WNK4: variants seen among roughly 807,000 people sequenced by gnomAD.
WNK4 encodes WNK lysine deficient protein kinase 4.
WNK4 carries 94 observed loss-of-function variants against 116.2 expected under a neutral mutation model. That is an observed-to-expected ratio of 0.81 (90% CI 0.68 to 0.96). The LOEUF is 0.96. Ranked by LOEUF, WNK4 falls within the 40% of genes least tolerant of loss-of-function variation. The pLI is 0.00. For synonymous variants in WNK4, 655 were observed against 672.7 expected (o/e 0.97, Z 0.41); for missense variants, 1,542 against 1,650.6 (o/e 0.93, Z 1.14).
Position 42,782,823 on chromosome 17 carries a change from G to A in WNK4, c.684G>A (p.Leu228=). ...FSEEVEMLKG[L]QHPNIVRFYD... The stretch of plus-strand genomic sequence containing the variant: ...AGGAGGTGGAGATGCTCAAGGGGCT[G>A]CAGCACCCCAACATCGTCCGCTTCT... The change falls in exon 2 of 19, where the codon CTG becomes CTA. Residue 228 remains leucine (L), a synonymous_variant. Coordinates refer to ENST00000246914, the MANE Select transcript of WNK4 (RefSeq NM_032387.5). This position sits in a 1 kb window ranked among gnomAD's most constrained non-coding sequence, Gnocchi z 4.2. The A allele has an allele frequency of 6.2e-7, 1 of 1,614,192 alleles. No individual in the cohort carries two copies. The highest frequency in any genetic ancestry group is 8.5e-7 in the Non-Finnish European group (1 of 1,180,038).
At chr17:42,789,845 A>G (rs1234988408) in intron 11 of WNK4, among the ~76,000 whole-genome samples, 1 of 151,728 alleles carries the variant, frequency 6.6e-6, no homozygotes, top group African/African-American at 2.4e-5. Context: ...TCTCTACAAA[A>G]AATTTAAAAA....
At position 42,794,985 on chromosome 17, in the gene WNK4, C is replaced by T; in HGVS notation, c.2564C>T (p.Ser855Phe). The T allele has an allele frequency of 6.2e-7, 1 of 1,612,698 alleles. No homozygotes were observed. Among genetic ancestry groups the T allele is most frequent in the Non-Finnish European group, 8.5e-7 (1 of 1,179,688 alleles). The change falls in exon 14 of 19, where the codon TCT (serine) becomes TTT (phenylalanine). Residue 855 changes from serine to phenylalanine, a missense_variant. Physicochemically the swap from Ser to Phe is radical, Grantham distance 155 (BLOSUM62 -2). This residue lies in a region of WNK4 where 808 missense variants were observed against 873.6 expected (regional missense o/e 0.92). Coordinates refer to ENST00000246914, the MANE Select transcript of WNK4 (RefSeq NM_032387.5). The part of the protein sequence containing the change: ...PISSQVSSNP[S>F]PHPTSSPLPF... The stretch of plus-strand genomic sequence containing the variant: ...TCTTCCCAGGTCTCCTCAAATCCCT[C>T]TCCACACCCCACCAGCTCTCCACTT...
At chr17:42,796,663 A>T in intron 18 of WNK4, 23 bp from the exon 19 acceptor site, 1 of 1,614,126 alleles carries the variant, frequency 6.2e-7, no homozygotes, top group Non-Finnish European at 8.5e-7. Context: ...AGGTTTCTTC[A>T]TCACTTTTTC....
In WNK4 at chr17:42,785,498, ACTGTG is replaced by A. The variant is rs752399943; in HGVS notation, c.1476+20_1476+24del. The A allele has an allele frequency of 5.0e-4, 773 of 1,551,362 alleles. 3 individuals carry two copies. The highest frequency in any genetic ancestry group is 1.7e-3 in the Admixed American group (89 of 51,002). ...ACAGGAGATGGTGAGCGGAGGACAG[ACTGTG>A]CTGCCACTGGACGTGTAAAGGACAT... On this transcript the variant is annotated intron_variant, in intron 6 of 18. Coordinates refer to ENST00000246914, the MANE Select transcript of WNK4 (RefSeq NM_032387.5).
rs1221456276 is a variant in WNK4, at chr17:42,784,616, G to C, written c.1170+37G>C. ...GGGGCTGGCGGGAAAGGCAATTCCA[G>C]GGCCACTTCCCCTTTTCCTGCGCCG... On this transcript the variant is annotated intron_variant, in intron 4 of 18. Coordinates refer to ENST00000246914, the MANE Select transcript of WNK4 (RefSeq NM_032387.5). The surrounding 1 kb of genome is among the most constrained non-coding windows in gnomAD (Gnocchi z 4.4). 1 of 1,613,102 alleles carries C rather than the reference G, an allele frequency of 6.2e-7. No homozygotes were observed. The highest frequency in any genetic ancestry group is 1.1e-5 in the South Asian group (1 of 90,924).
At chr17:42,791,569 G>A (rs1175484522) in intron 11 of WNK4, among the ~76,000 whole-genome samples, 5 of 151,984 alleles carry the variant, frequency 3.3e-5, no homozygotes, top group Non-Finnish European at 5.9e-5. Context: ...AACCCAGGAG[G>A]TGGAGGTTGC....
Position 42,780,780 on chromosome 17 carries a change from C to G in WNK4, c.82C>G (p.Leu28Val), listed in dbSNP as rs774472658. ...ADLALRPPPP[L>V]GTAGQPRLGP... The stretch of plus-strand genomic sequence containing the variant: ...CCTGGCCCTGCGGCCCCCGCCTCCT[C>G]TTGGCACCGCGGGGCAGCCCCGCCT... Residue 28 changes from leucine (L) to valine (V), a missense_variant, in exon 1 of 19, where the codon CTT becomes GTT. By Grantham distance (32) the Leu-to-Val change is conservative. This residue lies in a region of WNK4 where 243 missense variants were observed against 217.8 expected (regional missense o/e 1.12). Transcript: ENST00000246914. 6.4e-5 allele frequency: 103 copies of G among 1,605,896 alleles called. No homozygotes were observed. Among genetic ancestry groups the G allele is most frequent in the Non-Finnish European group, 7.8e-5 (92 of 1,178,948 alleles).
intron 18 of WNK4, 54 bp downstream of exon 18, chr17:42,796,632 T>A: frequency 6.2e-7 from 1 of 1,614,194 alleles, no homozygotes; most frequent in African/African-American, 1.3e-5. Flanking sequence ...TGGCTGCAGC[T>A]TCGCCTTCCT....
Position 42,782,624 on chromosome 17 carries a change from G to C in WNK4, c.619-134G>C. On this transcript the variant is annotated intron_variant, in intron 1 of 18. Transcript: ENST00000246914. The surrounding 1 kb of genome is among the most constrained non-coding windows in gnomAD (Gnocchi z 4.2). ...GAGTTCAGGGTCTGCAGCCCACTGG[G>C]CAAGTAATCCCATTAACCCCACCCC... 1 of 1,020,640 alleles carries C rather than the reference G, an allele frequency of 9.8e-7. No homozygotes were observed. The highest frequency in any genetic ancestry group is 1.4e-5 in the South Asian group (1 of 71,188). 63.2% of individuals were successfully genotyped at this position (1,020,640 alleles called of 1,614,324 possible).
Position 42,783,965 on chromosome 17 carries a change from C to T in WNK4, c.820C>T (p.Pro274Ser). 1 of 1,613,916 alleles carries T rather than the reference C, an allele frequency of 6.2e-7. No individual in the cohort carries two copies. ...CCTGAGGCGGTTCCGGGAGATGAAG[C>T]CGCGGGTCCTTCAGCGCTGGAGCCG... ...TYLRRFREMKPRVLQRWSRQI... is the reference protein window; with the variant it reads ...TYLRRFREMKSRVLQRWSRQI... The change falls in exon 3 of 19, where the codon CCG becomes TCG. Residue 274 changes from proline (P) to serine (S), a missense_variant. By Grantham distance (74) the Pro-to-Ser change is moderately conservative. Transcript: ENST00000246914.
Position 42,783,985 on chromosome 17 carries a change from G to A in WNK4, c.840G>A (p.Trp280Ter), listed in dbSNP as rs532963074. The A allele has an allele frequency of 6.2e-7, 1 of 1,614,024 alleles. No homozygotes were observed. Among genetic ancestry groups the A allele is most frequent in the Non-Finnish European group, 8.5e-7 (1 of 1,180,034 alleles). The change falls in exon 3 of 19, where the codon TGG (tryptophan) becomes TGA (stop). Residue 280 changes from tryptophan to a stop codon, truncating the protein, a stop_gained. Coordinates refer to ENST00000246914, the MANE Select transcript of WNK4 (RefSeq NM_032387.5). LOFTEE classifies it high-confidence loss of function. ...REMKPRVLQR[W>*]SRQILRGLHF... Reference sequence around the variant, plus strand: ...TGAAGCCGCGGGTCCTTCAGCGCTGGAGCCGCCAAATCCTGCGGGGACTTC... The same window carrying A: ...TGAAGCCGCGGGTCCTTCAGCGCTGAAGCCGCCAAATCCTGCGGGGACTTC...
Position 42,782,556 on chromosome 17 carries a change from G to T in WNK4, c.619-202G>T, listed in dbSNP as rs1419775571. Among the ~76,000 whole-genome samples the T allele has an allele frequency of 2.6e-5, 4 of 152,374 alleles. No individual in the cohort carries two copies. The East Asian group carries it at 7.7e-4, about 29-fold the overall frequency. ...GTCTAGGGGGCTGCCCCAGGCCCAG[G>T]TTGGGTGTGTCCTTGGATCAGCTTA... On this transcript the variant is annotated intron_variant, in intron 1 of 18. Coordinates refer to ENST00000246914, the MANE Select transcript of WNK4 (RefSeq NM_032387.5). This position sits in a 1 kb window ranked among gnomAD's most constrained non-coding sequence, Gnocchi z 4.2.
Position 42,785,587 on chromosome 17 carries a change from C to T in WNK4, c.1476+105C>T, listed in dbSNP as rs1038344225. ...GCAGGAGGGGTGGCAGCGATGGGGGCGGGGCACCTCACCCCTCTCAAAATC... is the reference window on the plus strand; with the variant it reads ...GCAGGAGGGGTGGCAGCGATGGGGGTGGGGCACCTCACCCCTCTCAAAATC... On this transcript the variant is annotated intron_variant, in intron 6 of 18. Coordinates refer to ENST00000246914, the MANE Select transcript of WNK4 (RefSeq NM_032387.5). 1.8e-5 allele frequency: 21 copies of T among 1,191,500 alleles called. No homozygotes were observed. In the African/African-American group the frequency reaches 2.9e-4, roughly 16 times the overall value. The allele number at this position is 1,191,500 out of a possible 1,614,324, so 73.8% of individuals were successfully genotyped here. A position where few individuals can be genotyped will look rare whatever the true frequency, so the allele number is the denominator to read the frequency against.
chr17:42,780,796 A>G lies in WNK4; in HGVS notation c.98A>G (p.Gln33Arg). The change falls in exon 1 of 19, where the codon CAG becomes CGG. Residue 33 changes from glutamine to arginine, a missense_variant. Around this residue, in one of 7 missense-constraint regions of WNK4, gnomAD observed 243 missense variants for 217.8 expected, o/e 1.12. Transcript: ENST00000246914. ...CCGCCTCCTCTTGGCACCGCGGGGC[A>G]GCCCCGCCTCGGGCCCCCTCCTCGC... ...RPPPPLGTAGQPRLGPPPRRA... is the reference protein window; with the variant it reads ...RPPPPLGTAGRPRLGPPPRRA... The G allele has an allele frequency of 6.2e-7, 1 of 1,603,270 alleles. No individual in the cohort carries two copies. The highest frequency in any genetic ancestry group is 8.5e-7 in the Non-Finnish European group (1 of 1,178,218).
Position 42,788,776 on chromosome 17 carries a change from G to T in WNK4, c.2136G>T (p.Pro712=), listed in dbSNP as rs372128794. 9 of 1,614,060 alleles carry T rather than the reference G, an allele frequency of 5.6e-6. No individual in the cohort carries two copies. Among genetic ancestry groups the T allele is most frequent in the Non-Finnish European group, 7.6e-6 (9 of 1,179,944 alleles). ...GATTTGATCTGGATGGGGACAGCCC[G>T]GAAGAGATTGCAGCTGCCATGGTGA... is the stretch of plus-strand genomic sequence containing the variant. The part of the protein sequence containing the change: ...TFRFDLDGDS[P]EEIAAAMVYN... The change falls in exon 11 of 19, where the codon CCG becomes CCT. Residue 712 remains proline, a synonymous_variant. Coordinates refer to ENST00000246914, the MANE Select transcript of WNK4 (RefSeq NM_032387.5).
chr17:42,796,458 T>C (rs760019916), intron 17 of WNK4, 23 bp from the exon 18 acceptor site: 3 of 1,613,812 alleles, frequency 1.9e-6, no homozygotes, highest in South Asian at 2.2e-5. Flanking sequence ...CTTAGTGCTC[T>C]CCTTCCCCCA....
At position 42,784,358 on chromosome 17, in the gene WNK4, T is replaced by C. The variant is rs2054518105; in HGVS notation, c.1013-64T>C. ...ACTCGCAGGGTTGCCTGGGGCTGCC[T>C]AGCCCAGTGGGAAGGACGAGGCCAG... On this transcript the variant is annotated intron_variant, in intron 3 of 18. Transcript: ENST00000246914. This position sits in a 1 kb window ranked among gnomAD's most constrained non-coding sequence, Gnocchi z 4.4. The C allele has an allele frequency of 1.3e-6, 2 of 1,592,016 alleles. No individual in the cohort carries two copies. Among genetic ancestry groups the C allele is most frequent in the African/African-American group, 2.7e-5 (2 of 74,266 alleles).
At chr17:42,790,199 C>T (rs79507826) in intron 11 of WNK4, among the ~76,000 whole-genome samples, 1,780 of 151,896 alleles carry the variant, frequency 0.012, 29 homozygotes, top group African/African-American at 0.041. Flanking sequence ...AGGGTTGTTT[C>T]GGGAAAATAA....
In WNK4 at chr17:42,794,890, T is replaced by G; in HGVS notation, c.2469T>G (p.Ile823Met). ...PGNPFSPGTP[I>M]SPGPIFPITS... Reference sequence around the variant, plus strand: ...ACCCATTTTCCCCTGGAACCCCCATTTCCCCAGGTCCCATCTTCCCCATCA... The same window carrying G: ...ACCCATTTTCCCCTGGAACCCCCATGTCCCCAGGTCCCATCTTCCCCATCA... The change falls in exon 14 of 19, where the codon ATT (isoleucine) becomes ATG (methionine). Residue 823 changes from isoleucine (I) to methionine (M), a missense_variant. By Grantham distance (10) the Ile-to-Met change is conservative. Around this residue, in one of 7 missense-constraint regions of WNK4, gnomAD observed 808 missense variants for 873.6 expected, o/e 0.92. Coordinates refer to ENST00000246914, the MANE Select transcript of WNK4 (RefSeq NM_032387.5). 1 of 1,612,302 alleles carries G rather than the reference T, an allele frequency of 6.2e-7. No homozygotes were observed. The highest frequency in any genetic ancestry group is 8.5e-7 in the Non-Finnish European group (1 of 1,179,464).
Sources: allele counts gnomAD v4.1 joint callset (sites outside exome capture counted in the v4.1 genomes callset), GRCh38; gene constraint gnomAD v4.1.1; regional missense constraint gnomAD v4.1.1; non-coding constraint Gnocchi (gnomAD v3.1); transcripts MANE v1.5; gene names NCBI Gene and HGNC (gene_info 2026-07-23, HGNC 2026-07-21).